Variants in PLXNA4 observed in about 807,000 individuals in gnomAD.
PLXNA4 encodes plexin-A4.
Under a neutral mutation model 191.8 loss-of-function variants are expected in PLXNA4, and 44 were observed. That is an observed-to-expected ratio of 0.23 (90% CI 0.18 to 0.29). The LOEUF (loss-of-function observed/expected upper bound fraction) is 0.29, where lower values mean the gene tolerates loss of function less well. Among genes scored for constraint, PLXNA4 ranks in the 10% least tolerant of loss-of-function variants. PLXNA4 has a pLI of 1.00. For synonymous variants in PLXNA4, 1,082 were observed against 1,009.5 expected (o/e 1.07, Z -1.36); for missense variants, 1,800 against 2,488.8 (o/e 0.72, Z 5.89).
At chr7:132,415,424 TAGG>T (rs1794627737) in intron 3 of PLXNA4, among the ~76,000 whole-genome samples, 1 of 152,148 alleles carries the variant, frequency 6.6e-6, no homozygotes, top group African/African-American at 2.4e-5. Context: ...TAGCTGCTGT[TAGG>T]AGATTTGTAT....
chr7:132,526,821 C>T (rs1280317160), intron 1 of PLXNA4, among the ~76,000 whole-genome samples: 5 of 152,180 alleles, frequency 3.3e-5, no homozygotes, highest in Non-Finnish European at 7.3e-5. Flanking sequence ...CCTCCCATCC[C>T]TCTTTGGTGC....
At chr7:132,138,112 T>G (rs2116529639) in intron 30 of PLXNA4, among the ~76,000 whole-genome samples, 1 of 152,322 alleles carries the variant, frequency 6.6e-6, no homozygotes, top group South Asian at 2.1e-4. Flanking sequence ...TGAGGCTTCC[T>G]GAATTTATAT....
intron 4 of PLXNA4, among the ~76,000 whole-genome samples, chr7:132,278,414 A>T (rs1370132139): frequency 6.6e-6 from 1 of 152,212 alleles, no homozygotes; most frequent in East Asian, 1.9e-4. Context: ...AGTATGTCTA[A>T]CTATGGGAGG....
At chr7:132,436,798 AC>A (rs1479400230) in intron 3 of PLXNA4, among the ~76,000 whole-genome samples, 1 of 151,990 alleles carries the variant, frequency 6.6e-6, no homozygotes, top group Non-Finnish European at 1.5e-5. Flanking sequence ...GCTAGGAATG[AC>A]CTATTAAAAT....
In PLXNA4 at chr7:132,409,196, C is replaced by CCAGAAATCCAGGTTAGGGAGGTGG. The variant is rs1794350148; in HGVS notation, c.1371+80072_1371+80095dup. Among the ~76,000 whole-genome samples the CCAGAAATCCAGGTTAGGGAGGTGG allele has an allele frequency of 2.0e-5, 3 of 152,198 alleles. No homozygotes were observed. In the East Asian group the frequency reaches 5.8e-4, roughly 29 times the overall value. On this transcript the variant is annotated intron_variant, in intron 3 of 31. Transcript: ENST00000321063. Reference sequence around the variant, plus strand: ...GGTCGCGGGCAGCTGCCCTGTGAAGCCAGAAATCCAGGTTAGGGAGGTGGG... The same window carrying CCAGAAATCCAGGTTAGGGAGGTGG: ...GGTCGCGGGCAGCTGCCCTGTGAAGCCAGAAATCCAGGTTAGGGAGGTGGCAGAAATCCAGGTTAGGGAGGTGGG...
chr7:132,233,949 G>T (rs909325993), intron 5 of PLXNA4, among the ~76,000 whole-genome samples: 1 of 152,160 alleles, frequency 6.6e-6, no homozygotes, highest in Non-Finnish European at 1.5e-5. Context: ...TGTAGCAGCT[G>T]CCAAAAGAGA....
chr7:132,465,618 C>T (rs142066099), intron 3 of PLXNA4, among the ~76,000 whole-genome samples: 9 of 152,160 alleles, frequency 5.9e-5, no homozygotes, highest in African/African-American at 2.2e-4. Context: ...CACCTAAGTA[C>T]AAGGAATTTT....
At chr7:132,384,782 ACAC>A in intron 3 of PLXNA4, 1 of 1,126,510 alleles carries the variant, frequency 8.9e-7, no homozygotes, top group Non-Finnish European at 1.1e-6. Flanking sequence ...ACACACACAC[ACAC>A]ACACACTGGC....
At chr7:132,169,261 A>AGAAGAT (rs1166190875) in intron 21 of PLXNA4, among the ~76,000 whole-genome samples, 2 of 152,240 alleles carry the variant, frequency 1.3e-5, no homozygotes, top group African/African-American at 4.8e-5. Flanking sequence ...GGGAAGAGGA[A>AGAAGAT]GAAGATGGTC....
chr7:132,239,370 G>A (rs1798805601), intron 5 of PLXNA4, among the ~76,000 whole-genome samples: 1 of 152,168 alleles, frequency 6.6e-6, no homozygotes, highest in Admixed American at 6.5e-5. Context: ...TGTGGGGCTG[G>A]GACAGCATTG....
chr7:132,421,395 C>T (rs867748366), intron 3 of PLXNA4, among the ~76,000 whole-genome samples: 1 of 152,156 alleles, frequency 6.6e-6, no homozygotes, highest in Non-Finnish European at 1.5e-5. Flanking sequence ...CATCTCTTCC[C>T]CAACAATACC....
chr7:132,420,883 T>C (rs1003161556), intron 3 of PLXNA4, among the ~76,000 whole-genome samples: 2 of 152,236 alleles, frequency 1.3e-5, no homozygotes, highest in African/African-American at 4.8e-5. Flanking sequence ...CCATGTGAGA[T>C]GTGCCTTTCA....
intron 30 of PLXNA4, 45 bp downstream of exon 30, chr7:132,140,554 G>T: frequency 6.2e-7 from 1 of 1,602,064 alleles, no homozygotes; most frequent in East Asian, 2.2e-5. Context: ...GGAGCTGCTG[G>T]CTCCAGCAAG....
intron 3 of PLXNA4, among the ~76,000 whole-genome samples, chr7:132,393,048 T>A (rs1384569227): frequency 6.7e-6 from 1 of 150,356 alleles, no homozygotes; most frequent in African/African-American, 2.4e-5. Flanking sequence ...AATAAAACTA[T>A]TACAGTTTTA....
chr7:132,148,253 T>C (rs1584763805), intron 26 of PLXNA4, among the ~76,000 whole-genome samples: 1 of 152,182 alleles, frequency 6.6e-6, no homozygotes, highest in East Asian at 1.9e-4. Flanking sequence ...ATCCCAGTGC[T>C]TCCCTGGAAG....
chr7:132,426,259 C>T (rs752015182), intron 3 of PLXNA4, among the ~76,000 whole-genome samples: 4 of 152,196 alleles, frequency 2.6e-5, no homozygotes, highest in African/African-American at 4.8e-5. Flanking sequence ...CAATGGCCCC[C>T]GGTGATGACC....
At chr7:132,485,026 A>C (rs942487959) in intron 3 of PLXNA4, 14 of 1,609,114 alleles carry the variant, frequency 8.7e-6, no homozygotes, top group Non-Finnish European at 1.1e-5. Context: ...AGGGAACAAA[A>C]GCAAATTAAT....
intron 3 of PLXNA4, among the ~76,000 whole-genome samples, chr7:132,462,997 A>C (rs1796572087): frequency 6.6e-6 from 1 of 151,824 alleles, no homozygotes; most frequent in Admixed American, 6.6e-5. Context: ...TTACAGGCAC[A>C]CAACACCGTG....
chr7:132,401,670 A>G (rs561225075), intron 3 of PLXNA4, among the ~76,000 whole-genome samples: 2 of 152,296 alleles, frequency 1.3e-5, no homozygotes, highest in South Asian at 4.1e-4. Context: ...CTCTAAGCCA[A>G]TAAAGAAGGG....
Sources: allele counts gnomAD v4.1 joint callset (sites outside exome capture counted in the v4.1 genomes callset), GRCh38; gene constraint gnomAD v4.1.1; transcripts MANE v1.5; gene names NCBI Gene and HGNC (gene_info 2026-07-23, HGNC 2026-07-21).